Variants in TNRC6B observed in about 807,000 individuals in gnomAD.
TNRC6B encodes the protein trinucleotide repeat-containing gene 6B protein.
A neutral mutation model predicts 203.6 loss-of-function variants in TNRC6B; 52 were observed. The observed-to-expected ratio is 0.26, with a 90% confidence interval of 0.20 to 0.32. TNRC6B has a LOEUF of 0.32. TNRC6B is among the 10% of genes least tolerant of loss of function. The pLI is 1.00. For synonymous variants in TNRC6B, 838 were observed against 845.7 expected, an observed-to-expected ratio of 0.99 and a Z score of 0.16; for missense variants, 1,923 against 2,286.2, an observed-to-expected ratio of 0.84 and a Z score of 3.24.
chr22:40,103,208 C>T (rs954287670), intron 1 of TNRC6B, among the ~76,000 whole-genome samples: 25 of 151,890 alleles, frequency 1.6e-4, no homozygotes, highest in African/African-American at 5.8e-4. Context: ...TTTGAGTCTG[C>T]CGTGAGCTCT....
chr22:40,258,313 C>G (rs1402077346), intron 3 of TNRC6B, among the ~76,000 whole-genome samples: 2 of 152,190 alleles, frequency 1.3e-5, no homozygotes, highest in Non-Finnish European at 1.5e-5. Flanking sequence ...CCTTTATCGT[C>G]TAACATTCTG....
intron 1 of TNRC6B, among the ~76,000 whole-genome samples, chr22:40,080,921 A>G (rs968924347): frequency 5.3e-5 from 8 of 151,324 alleles, no homozygotes; most frequent in African/African-American, 1.2e-4. Flanking sequence ...CAGTGGTGCA[A>G]TCTCAGCTCA....
intron 2 of TNRC6B, among the ~76,000 whole-genome samples, chr22:40,124,059 C>G (rs2068466920): frequency 6.6e-6 from 1 of 152,112 alleles, no homozygotes; most frequent in South Asian, 2.1e-4. Context: ...TTGAGAGCTT[C>G]TACTGTACTG....
chr22:40,292,209 C>T (rs2070877854), intron 12 of TNRC6B, among the ~76,000 whole-genome samples: 1 of 150,578 alleles, frequency 6.6e-6, no homozygotes, highest in Non-Finnish European at 1.5e-5. Context: ...AAAAGCCAGG[C>T]ATGGTGGCGC....
chr22:40,143,145 A>G lies in TNRC6B; in HGVS notation c.46-12970A>G, dbSNP rs141474112. Among the ~76,000 whole-genome samples, 588 of 152,272 alleles carry G rather than the reference A, an allele frequency of 3.9e-3. 4 individuals are homozygous for G. The highest frequency in any genetic ancestry group is 0.014 in the Middle Eastern group (4 of 294). The stretch of plus-strand genomic sequence containing the variant: ...AACTGACACCATTAAGAATGTGGAA[A>G]AAGGCTGGGCACAGTGGCTCATGCC... On this transcript the variant is annotated intron_variant, in intron 3 of 23. Coordinates refer to the TNRC6B transcript ENST00000301923.
chr22:40,178,254 G>T, intron 1 of TNRC6B, 114 bp downstream of exon 1: 1 of 1,239,262 alleles, frequency 8.1e-7, no homozygotes, highest in Admixed American at 1.9e-5. Flanking sequence ...ACTGGCTTCA[G>T]ACATTTCGTG....
intron 2 of TNRC6B, among the ~76,000 whole-genome samples, chr22:40,121,897 C>T (rs2068450105): frequency 6.6e-6 from 1 of 152,196 alleles, no homozygotes; most frequent in Non-Finnish European, 1.5e-5. Flanking sequence ...CTAATTCAGC[C>T]TCAATAGTTA....
intron 3 of TNRC6B, among the ~76,000 whole-genome samples, chr22:40,132,370 A>AAGACG (rs201391348): frequency 0.046 from 6,848 of 150,270 alleles, 538 homozygotes; most frequent in African/African-American, 0.15. Flanking sequence ...CATCTCAATA[A>AAGACG]AGACGAGACG....
chr22:40,308,071 C>G (rs1459680344), intron 15 of TNRC6B, among the ~76,000 whole-genome samples: 3 of 152,134 alleles, frequency 2.0e-5, no homozygotes, highest in Admixed American at 6.5e-5. Context: ...GCTTGACTTC[C>G]CCAAATACCT....
At chr22:40,114,685 C>G (rs1304581101) in intron 1 of TNRC6B, among the ~76,000 whole-genome samples, 1 of 152,096 alleles carries the variant, frequency 6.6e-6, no homozygotes, top group African/African-American at 2.4e-5. Flanking sequence ...TGATTTAACC[C>G]AAGATCCACT....
At chr22:40,231,193 T>C (rs1016250634) in intron 1 of TNRC6B, among the ~76,000 whole-genome samples, 5 of 152,190 alleles carry the variant, frequency 3.3e-5, no homozygotes, top group African/African-American at 1.2e-4. Flanking sequence ...GTGTAAGTCC[T>C]CCAACTTGGT....
At chr22:40,199,250 C>T (rs568508313) in intron 1 of TNRC6B, among the ~76,000 whole-genome samples, 2 of 152,258 alleles carry the variant, frequency 1.3e-5, no homozygotes, top group African/African-American at 4.8e-5. Flanking sequence ...GTAAATTCAG[C>T]ATTTGAAGAA....
Position 40,334,463 on chromosome 22 carries a change from G to A in TNRC6B, c.*11222G>A, listed in dbSNP as rs2044012728. ...GTTCCCACTCCTAACTCTCCACTATGTGCTTATAACTTCACATTCTATGCC... is the reference window on the plus strand; with the variant it reads ...GTTCCCACTCCTAACTCTCCACTATATGCTTATAACTTCACATTCTATGCC... On this transcript the variant is annotated 3_prime_UTR_variant, in exon 23 of 23. Transcript: ENST00000454349. The A allele has an allele frequency of 6.6e-6, 1 of 152,534 alleles. No homozygotes were observed. Among genetic ancestry groups the A allele is most frequent in the African/African-American group, 2.4e-5 (1 of 41,392 alleles). The allele number at this position is 152,534 out of a possible 1,614,324, so 9.4% of individuals were successfully genotyped here.
At chr22:40,097,431 G>A (rs1203185666) in intron 1 of TNRC6B, among the ~76,000 whole-genome samples, 5 of 151,856 alleles carry the variant, frequency 3.3e-5, no homozygotes, top group Admixed American at 2.0e-4. Context: ...TCAGCCTCCC[G>A]AGTAACTAGG....
At chr22:40,151,292 C>T (rs1181872396) in intron 3 of TNRC6B, among the ~76,000 whole-genome samples, 2 of 151,670 alleles carry the variant, frequency 1.3e-5, no homozygotes, top group Non-Finnish European at 2.9e-5. Flanking sequence ...GGCCAGGCAC[C>T]GTGGCTCACA....
chr22:40,094,392 C>T (rs2068171959), intron 1 of TNRC6B, among the ~76,000 whole-genome samples: 1 of 151,844 alleles, frequency 6.6e-6, no homozygotes, highest in South Asian at 2.1e-4. Context: ...AAGAAAAAAA[C>T]CATGAATCTC....
chr22:40,192,988 C>T (rs944327718), intron 1 of TNRC6B, among the ~76,000 whole-genome samples: 2 of 152,080 alleles, frequency 1.3e-5, no homozygotes, highest in African/African-American at 2.4e-5. Context: ...CTCAGAGGAG[C>T]AGGGTGAGAA....
chr22:40,151,300 A>G (rs1474012219), intron 3 of TNRC6B, among the ~76,000 whole-genome samples: 1 of 152,100 alleles, frequency 6.6e-6, no homozygotes, highest in African/African-American at 2.4e-5. Context: ...ACCGTGGCTC[A>G]CACCTGTAAT....
intron 1 of TNRC6B, among the ~76,000 whole-genome samples, chr22:40,105,545 C>T (rs73424257): frequency 0.023 from 3,486 of 152,248 alleles, 119 homozygotes; most frequent in African/African-American, 0.079. Flanking sequence ...TTTGAACACA[C>T]GGAGTCATAT....
Sources: allele counts gnomAD v4.1 joint callset (sites outside exome capture counted in the v4.1 genomes callset), GRCh38; gene constraint gnomAD v4.1.1; transcripts MANE v1.5; gene names NCBI Gene and HGNC (gene_info 2026-07-23, HGNC 2026-07-21).